Variants in FADS2 observed in about 807,000 individuals in gnomAD.
FADS2 encodes the protein acyl-CoA 6-desaturase.
FADS2 carries 18 observed loss-of-function variants against 61.2 expected under a neutral mutation model. The observed-to-expected ratio is 0.29, with a 90% confidence interval of 0.20 to 0.44. The LOEUF (loss-of-function observed/expected upper bound fraction) is 0.44, where lower values mean the gene tolerates loss of function less well. FADS2 is among the 20% of genes least tolerant of loss of function. The pLI is 1.00. For synonymous variants in FADS2, 203 were observed against 223.9 expected, an observed-to-expected ratio of 0.91 and a Z score of 0.83; for missense variants, 322 against 572.7, an observed-to-expected ratio of 0.56 and a Z score of 4.47.
At chr11:61,862,371 A>AT in intron 7 of FADS2, 1 of 154,636 alleles carries the variant, frequency 6.5e-6, no homozygotes, top group Non-Finnish European at 1.4e-5. Context: ...CCCTCCCAGT[A>AT]CATGAGAGAA....
chr11:61,827,145 G>C (rs1249772908), upstream of FADS2, among the ~76,000 whole-genome samples: 1 of 152,130 alleles, frequency 6.6e-6, no homozygotes, highest in Admixed American at 6.5e-5. This position sits in a 1 kb window ranked among gnomAD's most constrained non-coding sequence, Gnocchi z 4.5. Flanking sequence ...CAGGACGCCC[G>C]GCACTAAGCC....
intron 3 of FADS2, 23 bp downstream of exon 3, chr11:61,840,554 C>A (rs773522379): frequency 6.2e-7 from 1 of 1,613,490 alleles, no homozygotes; most frequent in Non-Finnish European, 8.5e-7. Context: ...ACCCTCACTT[C>A]CCCTAGCTGA....
intron 1 of FADS2, chr11:61,821,606 A>T (rs2067037040): frequency 1.8e-6 from 1 of 568,740 alleles, no homozygotes; most frequent in Non-Finnish European, 3.1e-6. Flanking sequence ...GCCTCCCCTC[A>T]GTAGCAGCCC....
intron 7 of FADS2, among the ~76,000 whole-genome samples, chr11:61,858,730 C>T (rs1458031747): frequency 3.3e-5 from 5 of 151,764 alleles, no homozygotes; most frequent in Admixed American, 6.6e-5. Context: ...GGAGTACAGG[C>T]GCCGGCCACC....
chr11:61,861,085 T>C (rs1461641321), intron 7 of FADS2, among the ~76,000 whole-genome samples: 1 of 151,832 alleles, frequency 6.6e-6, no homozygotes, highest in Non-Finnish European at 1.5e-5. Flanking sequence ...CCAGACACAG[T>C]GGCTCATGCC....
intron 7 of FADS2, chr11:61,862,065 A>C (rs974195448): frequency 2.0e-5 from 3 of 152,292 alleles, no homozygotes; most frequent in African/African-American, 7.2e-5. Context: ...ACCTAAACTC[A>C]TGGCAGGATG....
intron 7 of FADS2, 107 bp downstream of exon 7, chr11:61,857,637 G>GT (rs1201430461): frequency 3.2e-6 from 3 of 924,726 alleles, no homozygotes; most frequent in Non-Finnish European, 5.3e-6. Flanking sequence ...AGCCTGTGGG[G>GT]CCCCAGGCAT....
Position 61,865,537 on chromosome 11 carries a change from G to T in FADS2, c.1284-101G>T. On this transcript the variant is annotated intron_variant, in intron 11 of 11. Coordinates refer to ENST00000278840, the MANE Select transcript of FADS2 (RefSeq NM_004265.4). The surrounding 1 kb of genome is among the most constrained non-coding windows in gnomAD (Gnocchi z 4.1). The stretch of plus-strand genomic sequence containing the variant: ...GTGGTAAGCCCTGGTTAGGGCCAAG[G>T]GGACATACATGCCACCTTAATGATG... The T allele has an allele frequency of 8.6e-7, 1 of 1,160,080 alleles. No individual in the cohort carries two copies. Among genetic ancestry groups the T allele is most frequent in the Non-Finnish European group, 1.3e-6 (1 of 790,894 alleles). The allele number at this position is 1,160,080 out of a possible 1,614,324, so 71.9% of individuals were successfully genotyped here.
intron 5 of FADS2, among the ~76,000 whole-genome samples, chr11:61,852,251 C>T (rs866345382): frequency 6.6e-6 from 1 of 152,078 alleles, no homozygotes; most frequent in Non-Finnish European, 1.5e-5. Flanking sequence ...TTCTCTTTCT[C>T]TCTCTTTTTG....
chr11:61,837,737 G>A (rs1255666316), intron 1 of FADS2, 41 bp from the exon 2 acceptor site: 1 of 1,400,478 alleles, frequency 7.1e-7, no homozygotes, highest in Non-Finnish European at 1.0e-6. Context: ...AGAGCAGACA[G>A]AGTTCAGGTC....
chr11:61,860,567 T>C (rs2067404816), intron 7 of FADS2, among the ~76,000 whole-genome samples: 1 of 152,258 alleles, frequency 6.6e-6, no homozygotes, highest in African/African-American at 2.4e-5. Context: ...TTCTGATCTC[T>C]TGGGCTCTCT....
chr11:61,862,984 G>A lies in FADS2; in HGVS notation c.895G>A (p.Ala299Thr). Residue 299 changes from alanine (A) to threonine (T), a missense_variant, in exon 8 of 12, where the codon GCC (alanine) becomes ACC (threonine). Physicochemically the swap from Ala to Thr is moderately conservative, Grantham distance 58. This residue lies in a region of FADS2 where 221 missense variants were observed against 427.9 expected (regional missense o/e 0.52). Coordinates refer to ENST00000278840, the MANE Select transcript of FADS2 (RefSeq NM_004265.4). ...VHKNWVDLAWAVSYYIRFFIT... is the reference protein window; with the variant it reads ...VHKNWVDLAWTVSYYIRFFIT... ...TCTTTCCCCGCAGGACCTGGCCTGG[G>A]CCGTCAGCTACTACATCCGGTTCTT... 4 of 1,614,184 alleles carry A rather than the reference G, an allele frequency of 2.5e-6. No individual in the cohort carries two copies. Among genetic ancestry groups the A allele is most frequent in the Non-Finnish European group, 3.4e-6 (4 of 1,180,016 alleles).
chr11:61,849,058 G>A (rs1411626651), intron 5 of FADS2, among the ~76,000 whole-genome samples: 1 of 152,098 alleles, frequency 6.6e-6, no homozygotes, highest in Non-Finnish European at 1.5e-5. Context: ...GTGCCACCAT[G>A]CCAACTAATT....
upstream of FADS2, among the ~76,000 whole-genome samples, chr11:61,824,082 G>A (rs1192368017): frequency 6.6e-6 from 1 of 151,506 alleles, no homozygotes; most frequent in Non-Finnish European, 1.5e-5. Context: ...GATGAGATAG[G>A]TTAGAAATCA....
intron 1 of FADS2, among the ~76,000 whole-genome samples, chr11:61,837,246 C>T (rs141560803): frequency 6.6e-5 from 10 of 152,208 alleles, no homozygotes; most frequent in East Asian, 3.9e-4. Context: ...TTTTCAGGAA[C>T]GCTTTTTACA....
At chr11:61,842,988 T>G (rs1326538222) in intron 4 of FADS2, among the ~76,000 whole-genome samples, 1 of 152,344 alleles carries the variant, frequency 6.6e-6, no homozygotes, top group South Asian at 2.1e-4. Context: ...GCACTGCTAA[T>G]GGGATTTAAT....
chr11:61,864,201 T>A (rs113689920), intron 10 of FADS2: 20 of 155,308 alleles, frequency 1.3e-4, no homozygotes, highest in African/African-American at 2.0e-4. Context: ...TTTTTTTTTT[T>A]ATTAAAAAAT....
intron 1 of FADS2, among the ~76,000 whole-genome samples, chr11:61,821,973 C>CT (rs1179863779): frequency 0.12 from 17,091 of 143,564 alleles, 1,240 homozygotes; most frequent in Middle Eastern, 0.22. Context: ...TTAATGCAGT[C>CT]TTTTTTTTTT....
Position 61,828,512 on chromosome 11 carries a change from G to T in FADS2, c.122G>T (p.Arg41Leu). Reference sequence around the variant, plus strand: ...ACCGACAGGTGGCTGGTCATTGACCGCAAGGTTTACAACATCACCAAATGG... The same window carrying T: ...ACCGACAGGTGGCTGGTCATTGACCTCAAGGTTTACAACATCACCAAATGG... Reference protein sequence around the residue: ...LRTDRWLVIDRKVYNITKWSI... With the variant: ...LRTDRWLVIDLKVYNITKWSI... The change falls in exon 1 of 12, where the codon CGC becomes CTC. Residue 41 changes from arginine (R) to leucine (L), a missense_variant. By Grantham distance (102) the Arg-to-Leu change is moderately radical. This residue lies in a region of FADS2 where 61 missense variants were observed against 107.4 expected (regional missense o/e 0.57). Coordinates refer to ENST00000278840, the MANE Select transcript of FADS2 (RefSeq NM_004265.4). This position sits in a 1 kb window ranked among gnomAD's most constrained non-coding sequence, Gnocchi z 6.4. 1 of 1,613,786 alleles carries T rather than the reference G, an allele frequency of 6.2e-7. No individual in the cohort carries two copies. The highest frequency in any genetic ancestry group is 1.3e-5 in the African/African-American group (1 of 75,062).
Sources: allele counts gnomAD v4.1 joint callset (sites outside exome capture counted in the v4.1 genomes callset), GRCh38; gene constraint gnomAD v4.1.1; regional missense constraint gnomAD v4.1.1; non-coding constraint Gnocchi (gnomAD v3.1); transcripts MANE v1.5; gene names NCBI Gene and HGNC (gene_info 2026-07-23, HGNC 2026-07-21).